Variants in SLC34A1 observed in about 807,000 individuals in gnomAD.
The protein encoded by SLC34A1 is sodium-dependent phosphate transport protein 2A.
SLC34A1 carries 57 observed loss-of-function variants against 51.4 expected under a neutral mutation model. The ratio of observed to expected loss-of-function variants is 1.11; its 90% CI spans 0.90 to 1.38. SLC34A1 has a LOEUF of 1.38. SLC34A1 is among the 40% of genes most tolerant of loss of function. The probability of loss-of-function intolerance (pLI) is 0.00; values close to 1 mark genes in which losing one functional copy is unlikely to be tolerated. For missense variants in SLC34A1, 796 were observed against 835.6 expected (o/e 0.95, Z 0.58); for synonymous variants, 368 against 358.0 (o/e 1.03, Z -0.32).
Position 177,398,349 on chromosome 5 carries a change from G to A in SLC34A1, c.*63G>A. 1 of 1,585,868 alleles carries A rather than the reference G, an allele frequency of 6.3e-7. No individual in the cohort carries two copies. The highest frequency in any genetic ancestry group is 8.6e-7 in the Non-Finnish European group (1 of 1,169,524). ...CTGGGGTGGAAAGGCAGGGGAGGGA[G>A]GGTGTGTGTAGGTATGTGCATGTGC... On this transcript the variant is annotated 3_prime_UTR_variant, in exon 13 of 13. Coordinates refer to ENST00000324417, the MANE Select transcript of SLC34A1 (RefSeq NM_003052.5). The surrounding 1 kb of genome is among the most constrained non-coding windows in gnomAD (Gnocchi z 4.7).
At position 177,396,950 on chromosome 5, in the gene SLC34A1, G is replaced by A; in HGVS notation, c.1292G>A (p.Gly431Asp). 6.2e-7 allele frequency: 1 copy of A among 1,614,182 alleles called. No homozygotes were observed. Among genetic ancestry groups the A allele is most frequent in the Non-Finnish European group, 8.5e-7 (1 of 1,180,032 alleles). The change falls in exon 12 of 13, where the codon GGT becomes GAT. Residue 431 changes from glycine (G) to aspartate (D), a missense_variant and splice_region_variant. Physicochemically the swap from Gly to Asp is moderately conservative, Grantham distance 94. Transcript: ENST00000324417. This position sits in a 1 kb window ranked among gnomAD's most constrained non-coding sequence, Gnocchi z 4.0. The stretch of plus-strand genomic sequence containing the variant: ...CCACTTCCTCTCCCTCTGTCCCCAG[G>A]TCTTGGTGTGATCAGCATTGAGAGG... Reference protein sequence around the residue: ...VFTSAITPLIGLGVISIERAY... With the variant: ...VFTSAITPLIDLGVISIERAY...
chr5:177,396,857 C>T lies in SLC34A1; in HGVS notation c.1291+8C>T, dbSNP rs768877189. The T allele has an allele frequency of 1.9e-6, 3 of 1,613,850 alleles. No homozygotes were observed. The highest frequency in any genetic ancestry group is 2.5e-6 in the Non-Finnish European group (3 of 1,179,838). ...CCATCACCCCACTCATCGGTGAGTG[C>T]CCATGTAGAGGTGGAGTGGGGTGGG... On this transcript the variant is annotated splice_region_variant and intron_variant, in intron 11 of 12. Transcript: ENST00000324417. This position sits in a 1 kb window ranked among gnomAD's most constrained non-coding sequence, Gnocchi z 4.0.
chr5:177,386,042 G>A lies in SLC34A1; in HGVS notation c.165G>A (p.Val55=). The change falls in exon 3 of 13, where the codon GTG becomes GTA. Residue 55 remains valine (V), a synonymous_variant. Transcript: ENST00000324417. The surrounding 1 kb of genome is among the most constrained non-coding windows in gnomAD (Gnocchi z 4.8). ...ATGCCTTCCCCAGCCTGGGCCCTGT[G>A]GCCCTTGCTGAGCACACCTGCCCCT... ...SAYAFPSLGP[V]ALAEHTCPCG... is the part of the protein sequence containing the mutation. The A allele has an allele frequency of 6.2e-7, 1 of 1,609,440 alleles. No homozygotes were observed. The highest frequency in any genetic ancestry group is 1.7e-4 in the Middle Eastern group (1 of 6,042).
chr5:177,396,319 C>T lies in SLC34A1; in HGVS notation c.1175-414C>T, dbSNP rs936986337. 2.0e-5 allele frequency among the ~76,000 whole-genome samples: 3 copies of T among 152,236 alleles called. No individual in the cohort carries two copies. Among genetic ancestry groups the T allele is most frequent in the Admixed American group, 1.3e-4 (2 of 15,292 alleles). On this transcript the variant is annotated intron_variant, in intron 10 of 12. Coordinates refer to ENST00000324417, the MANE Select transcript of SLC34A1 (RefSeq NM_003052.5). This position sits in a 1 kb window ranked among gnomAD's most constrained non-coding sequence, Gnocchi z 4.0. ...CCCCATCAAAGGCACAGTTGCCTGACGGAGCCAGGCTGAGAAAGGCCTTCA... is the reference window on the plus strand; with the variant it reads ...CCCCATCAAAGGCACAGTTGCCTGATGGAGCCAGGCTGAGAAAGGCCTTCA...
At position 177,388,481 on chromosome 5, in the gene SLC34A1, A is replaced by G. The variant is rs556663734; in HGVS notation, c.936+109A>G. ...ACCTTGAAGATCATTTAGCCAGGAGAGGGCAAATATGTGGCCCTTCTACTG... is the reference window on the plus strand; with the variant it reads ...ACCTTGAAGATCATTTAGCCAGGAGGGGGCAAATATGTGGCCCTTCTACTG... On this transcript the variant is annotated intron_variant, in intron 8 of 12. Transcript: ENST00000324417. This position sits in a 1 kb window ranked among gnomAD's most constrained non-coding sequence, Gnocchi z 4.3. The G allele has an allele frequency of 2.0e-5, 19 of 944,428 alleles. No homozygotes were observed. In the African/African-American group the frequency reaches 2.3e-4, roughly 11 times the overall value. 58.5% of individuals were successfully genotyped at this position (944,428 alleles called of 1,614,324 possible). A position where few individuals can be genotyped will look rare whatever the true frequency, so the allele number is the denominator to read the frequency against.
chr5:177,395,541 T>C (rs913317950), intron 10 of SLC34A1, among the ~76,000 whole-genome samples: 1 of 152,152 alleles, frequency 6.6e-6, no homozygotes, highest in African/African-American at 2.4e-5. Context: ...GCATGGGGTC[T>C]CCAGGCTCTG....
At position 177,393,674 on chromosome 5, in the gene SLC34A1, T is replaced by C; in HGVS notation, c.937-20T>C. 3 of 1,613,778 alleles carry C rather than the reference T, an allele frequency of 1.9e-6. No individual in the cohort carries two copies. The highest frequency in any genetic ancestry group is 2.5e-6 in the Non-Finnish European group (3 of 1,179,682). On this transcript the variant is annotated intron_variant, in intron 8 of 12. Coordinates refer to ENST00000324417, the MANE Select transcript of SLC34A1 (RefSeq NM_003052.5). ...GGCTGTGTTTTCCTAATTCACTAAG[T>C]CACCCTCCTCCTGATCTAGGCTCCC...
At chr5:177,390,202 C>A in intron 8 of SLC34A1, 11 of 997,312 alleles carry the variant, frequency 1.1e-5, no homozygotes, top group Non-Finnish European at 1.3e-5. Flanking sequence ...AAGCTATGCA[C>A]CAGGGAGAGG....
At chr5:177,387,897 G>A (rs369687042) in intron 6 of SLC34A1, 24 bp downstream of exon 6, 9 of 1,584,224 alleles carry the variant, frequency 5.7e-6, no homozygotes, top group African/African-American at 1.4e-5. Flanking sequence ...GGGGTTGGGG[G>A]CTCGTGCCTG....
intron 5 of SLC34A1, among the ~76,000 whole-genome samples, chr5:177,387,291 A>T (rs1024640086): frequency 1.3e-5 from 2 of 152,070 alleles, no homozygotes; most frequent in Admixed American, 6.5e-5. Context: ...GCTACTCAGG[A>T]GGCTGAGGCA....
intron 5 of SLC34A1, among the ~76,000 whole-genome samples, chr5:177,387,181 TAA>T (rs1762609862): frequency 6.7e-6 from 1 of 149,560 alleles, no homozygotes; most frequent in Non-Finnish European, 1.5e-5. Flanking sequence ...CCACCCTGGC[TAA>T]CACGGTGAAA....
chr5:177,397,647 G>A lies in SLC34A1; in HGVS notation c.1417-136G>A, dbSNP rs560185034. On this transcript the variant is annotated intron_variant, in intron 12 of 12. Transcript: ENST00000324417. ...GCCACCTCGGGGTGATCTCGGGGCAGGGGGCACATCACCCCTAAGTGGAAA... is the reference window on the plus strand; with the variant it reads ...GCCACCTCGGGGTGATCTCGGGGCAAGGGGCACATCACCCCTAAGTGGAAA... 3.4e-5 allele frequency: 38 copies of A among 1,130,696 alleles called. No homozygotes were observed. The African/African-American group carries it at 4.6e-4, about 14-fold the overall frequency. The allele number at this position is 1,130,696 out of a possible 1,614,324, so 70.0% of individuals were successfully genotyped here. A position where few individuals can be genotyped will look rare whatever the true frequency, so the allele number is the denominator to read the frequency against.
chr5:177,398,471 C>T lies in SLC34A1; in HGVS notation c.*185C>T. 4.2e-6 allele frequency: 3 copies of T among 718,040 alleles called. No individual in the cohort carries two copies. Among genetic ancestry groups the T allele is most frequent in the Non-Finnish European group, 2.5e-6 (1 of 405,902 alleles). 44.5% of individuals were successfully genotyped at this position (718,040 alleles called of 1,614,324 possible). On this transcript the variant is annotated 3_prime_UTR_variant, in exon 13 of 13. Coordinates refer to ENST00000324417, the MANE Select transcript of SLC34A1 (RefSeq NM_003052.5). This position sits in a 1 kb window ranked among gnomAD's most constrained non-coding sequence, Gnocchi z 4.7. ...TGTGTGTGCATGTGTGGGGGTGAGTCTGCATGTGCACCTGTCATGTGTAGA... is the reference window on the plus strand; with the variant it reads ...TGTGTGTGCATGTGTGGGGGTGAGTTTGCATGTGCACCTGTCATGTGTAGA...
rs1333648958 is a variant in SLC34A1 at position 177,396,614 on chromosome 5, C to T, written c.1175-119C>T. On this transcript the variant is annotated intron_variant, in intron 10 of 12. Transcript: ENST00000324417. The surrounding 1 kb of genome is among the most constrained non-coding windows in gnomAD (Gnocchi z 4.0). ...GAGGTCCTCTCTCCCAGTGCCCCCG[C>T]GGAGATCCGCTCTCCCAGTGCCCCC... is the stretch of plus-strand genomic sequence containing the variant. 4.6e-5 allele frequency: 33 copies of T among 719,910 alleles called. No individual in the cohort carries two copies. The highest frequency in any genetic ancestry group is 3.5e-4 in the Middle Eastern group (1 of 2,824). The allele number at this position is 719,910 out of a possible 1,614,324, so 44.6% of individuals were successfully genotyped here.
intron 8 of SLC34A1, among the ~76,000 whole-genome samples, chr5:177,393,078 CCA>C (rs1762856322): frequency 6.6e-6 from 1 of 152,188 alleles, no homozygotes; most frequent in Non-Finnish European, 1.5e-5. Context: ...CCCACCTCTT[CCA>C]CACACAGCCC....
Position 177,388,244 on chromosome 5 carries a change from C to T in SLC34A1, c.841-33C>T. ...GTGGGGGTAACAAGGGACCCAGCCT[C>T]CTTCACTCCCCCTGCCCACATCTTG... is the stretch of plus-strand genomic sequence containing the variant. On this transcript the variant is annotated intron_variant, in intron 7 of 12. Transcript: ENST00000324417. This position sits in a 1 kb window ranked among gnomAD's most constrained non-coding sequence, Gnocchi z 4.3. The T allele has an allele frequency of 1.2e-6, 2 of 1,614,008 alleles. No homozygotes were observed. The highest frequency in any genetic ancestry group is 1.7e-6 in the Non-Finnish European group (2 of 1,179,926).
rs775649349 is a variant in SLC34A1 at position 177,398,247 on chromosome 5, T to G, written c.1881T>G (p.Arg627=). 6.3e-7 allele frequency: 1 copy of G among 1,599,564 alleles called. No individual in the cohort carries two copies. Among genetic ancestry groups the G allele is most frequent in the African/African-American group, 1.3e-5 (1 of 74,872 alleles). ...EELPPATPSP[R]LALPAHHNAT... ...TACCCCCTGCCACACCCTCCCCCCG[T>G]CTTGCACTGCCTGCTCACCACAATG... The change falls in exon 13 of 13, where the codon CGT becomes CGG. Residue 627 remains arginine (R), a synonymous_variant. Transcript: ENST00000324417. This position sits in a 1 kb window ranked among gnomAD's most constrained non-coding sequence, Gnocchi z 4.7.
In SLC34A1 at chr5:177,394,119, C is replaced by T. The variant is rs757057094; in HGVS notation, c.1098C>T (p.Leu366=). Residue 366 remains leucine, a synonymous_variant, in exon 10 of 13, where the codon CTC becomes CTT. Transcript: ENST00000324417. ...AGSLVLLCTC[L]ILLVKMLNSL... ...CCCTGGTGCTGCTGTGCACCTGCCT[C>T]ATCCTCCTAGTCAAGATGCTCAACT... 6.2e-7 allele frequency: 1 copy of T among 1,614,134 alleles called. No individual in the cohort carries two copies. Among genetic ancestry groups the T allele is most frequent in the Non-Finnish European group, 8.5e-7 (1 of 1,180,034 alleles).
chr5:177,394,549 G>A lies in SLC34A1; in HGVS notation c.1174+354G>A, dbSNP rs571715581. Among the ~76,000 whole-genome samples, 349 of 152,314 alleles carry A rather than the reference G, an allele frequency of 2.3e-3. 3 individuals are homozygous for A. The highest frequency in any genetic ancestry group is 6.8e-3 in the Middle Eastern group (2 of 294). ...CCCTGAGGGGCTCACAGCCCAGCAG[G>A]GGGAGGAAAGCAATGAAAAATACAT... On this transcript the variant is annotated intron_variant, in intron 10 of 12. Transcript: ENST00000324417.
Sources: gnomAD v4.1 joint callset for allele counts (sites outside exome capture counted in the v4.1 genomes callset) on GRCh38, gnomAD v4.1.1 for gene constraint, Gnocchi (gnomAD v3.1) non-coding constraint, MANE v1.5 for transcripts, NCBI Gene and HGNC (gene_info 2026-07-23, HGNC 2026-07-21) for gene names.